Variants in CNTNAP2 observed in about 807,000 individuals in gnomAD.
CNTNAP2 encodes the protein contactin-associated protein-like 2.
A neutral mutation model predicts 155.2 loss-of-function variants in CNTNAP2; 98 were observed. That is an observed-to-expected ratio of 0.63 (90% CI 0.54 to 0.75). The LOEUF (loss-of-function observed/expected upper bound fraction) is 0.75, where lower values mean the gene tolerates loss of function less well. Among genes scored for constraint, CNTNAP2 ranks in the 30% least tolerant of loss-of-function variants. CNTNAP2 has a pLI of 0.00. For missense variants in CNTNAP2, 1,727 were observed against 1,688.1 expected (o/e 1.02, Z -0.40); for synonymous variants, 651 against 631.2 (o/e 1.03, Z -0.47).
intron 1 of CNTNAP2, among the ~76,000 whole-genome samples, chr7:146,663,843 T>C (rs1057515371): frequency 3.3e-5 from 5 of 151,902 alleles, no homozygotes; most frequent in Admixed American, 6.5e-5. Flanking sequence ...TATGCCCCAA[T>C]TTTTTATTTA....
rs550693549 is a variant in CNTNAP2, at chr7:148,063,526, C to A, written c.2384-54592C>A. 3.3e-5 allele frequency among the ~76,000 whole-genome samples: 5 copies of A among 150,918 alleles called. No homozygotes were observed. The South Asian group carries it at 8.4e-4, about 25-fold the overall frequency. Reference sequence around the variant, plus strand: ...TATCACTGTCTTCAAGTTATCTAATCTTTTCTTCTGTAGTGTCTAATCTGC... The same window carrying A: ...TATCACTGTCTTCAAGTTATCTAATATTTTCTTCTGTAGTGTCTAATCTGC... On this transcript the variant is annotated intron_variant, in intron 15 of 23. Coordinates refer to ENST00000361727, the MANE Select transcript of CNTNAP2 (RefSeq NM_014141.6).
intron 8 of CNTNAP2, among the ~76,000 whole-genome samples, chr7:147,205,269 G>A (rs1803000263): frequency 6.6e-6 from 1 of 151,944 alleles, no homozygotes; most frequent in South Asian, 2.1e-4. Flanking sequence ...TCTCCAGTGT[G>A]CATTATACCA....
At chr7:147,487,990 A>G (rs888594829) in intron 11 of CNTNAP2, among the ~76,000 whole-genome samples, 1 of 152,174 alleles carries the variant, frequency 6.6e-6, no homozygotes, top group Non-Finnish European at 1.5e-5. Context: ...TGAATATCCA[A>G]CGTGTGCATA....
intron 13 of CNTNAP2, among the ~76,000 whole-genome samples, chr7:147,894,589 T>A (rs74585344): frequency 0.011 from 1,668 of 152,316 alleles, 88 homozygotes; most frequent in Admixed American, 0.091. Context: ...ATTGTACATA[T>A]GATAAAACTA....
At chr7:147,929,372 A>G (rs1205767913) in intron 14 of CNTNAP2, among the ~76,000 whole-genome samples, 1 of 152,220 alleles carries the variant, frequency 6.6e-6, no homozygotes, top group African/African-American at 2.4e-5. Flanking sequence ...ATGCTTCAAC[A>G]AGAACACAGC....
chr7:146,256,402 C>G (rs1232770277), intron 1 of CNTNAP2, among the ~76,000 whole-genome samples: 1 of 151,876 alleles, frequency 6.6e-6, no homozygotes, highest in African/African-American at 2.4e-5. Context: ...CTGTGAAATT[C>G]CTAGAGAAAT....
chr7:148,102,507 G>A (rs888416537), intron 15 of CNTNAP2, among the ~76,000 whole-genome samples: 1 of 152,152 alleles, frequency 6.6e-6, no homozygotes. Context: ...GGATTGCTGG[G>A]TTGAATGCAA....
intron 11 of CNTNAP2, among the ~76,000 whole-genome samples, chr7:147,558,113 G>C (rs1799986321): frequency 6.6e-6 from 1 of 151,970 alleles, no homozygotes; most frequent in African/African-American, 2.4e-5. Flanking sequence ...AAGTGATGTA[G>C]GAAATTTAAA....
At chr7:147,046,904 C>T (rs575151442) in intron 4 of CNTNAP2, among the ~76,000 whole-genome samples, 76 of 150,502 alleles carry the variant, frequency 5.0e-4, no homozygotes, top group African/African-American at 1.7e-3. Flanking sequence ...TTGTGGCGGG[C>T]GCCTGTAGTC....
At chr7:147,057,452 C>T (rs1799583537) in intron 4 of CNTNAP2, among the ~76,000 whole-genome samples, 1 of 152,114 alleles carries the variant, frequency 6.6e-6, no homozygotes, top group African/African-American at 2.4e-5. Flanking sequence ...ATTAGATTTT[C>T]AACTTTCAGT....
chr7:148,393,448 A>C (rs546426580), intron 22 of CNTNAP2, among the ~76,000 whole-genome samples: 1 of 152,354 alleles, frequency 6.6e-6, no homozygotes, highest in East Asian at 1.9e-4. Flanking sequence ...CTGCAAAAAC[A>C]CCAAGCGCAT....
At chr7:147,902,081 G>T (rs1799878898) in intron 13 of CNTNAP2, among the ~76,000 whole-genome samples, 1 of 152,192 alleles carries the variant, frequency 6.6e-6, no homozygotes, top group South Asian at 2.1e-4. Context: ...CACGAGAATT[G>T]TATGGTGTAG....
intron 14 of CNTNAP2, among the ~76,000 whole-genome samples, chr7:147,922,478 G>A (rs1800300723): frequency 1.3e-5 from 2 of 152,158 alleles, no homozygotes; most frequent in South Asian, 2.1e-4. Flanking sequence ...AATACTGAGG[G>A]CTTTTCCAGG....
chr7:147,421,935 C>G (rs1797297332), intron 10 of CNTNAP2, among the ~76,000 whole-genome samples: 1 of 151,858 alleles, frequency 6.6e-6, no homozygotes, highest in African/African-American at 2.4e-5. Flanking sequence ...CTCCTTGAAA[C>G]CTCCCCAGAA....
At position 147,780,290 on chromosome 7, in the gene CNTNAP2, G is replaced by A. The variant is rs138728250; in HGVS notation, c.2099-123275G>A. On this transcript the variant is annotated intron_variant, in intron 13 of 23. Coordinates refer to ENST00000361727, the MANE Select transcript of CNTNAP2 (RefSeq NM_014141.6). ...CGGAAAACATTCACGAGGCATTCTA[G>A]TATAATTGCCAGTGGCTGCTTCACT... is the stretch of plus-strand genomic sequence containing the variant. Among the ~76,000 whole-genome samples, 1,180 of 152,258 alleles carry A rather than the reference G, an allele frequency of 7.7e-3. 10 individuals carry two copies. The highest frequency in any genetic ancestry group is 0.027 in the African/African-American group (1,133 of 41,540).
At chr7:147,101,430 T>A (rs1468491774) in intron 4 of CNTNAP2, among the ~76,000 whole-genome samples, 1 of 152,098 alleles carries the variant, frequency 6.6e-6, no homozygotes, top group Non-Finnish European at 1.5e-5. Context: ...TCCACGGCAG[T>A]GTCTAGGGGT....
At chr7:147,321,935 T>G (rs940286135) in intron 9 of CNTNAP2, among the ~76,000 whole-genome samples, 3 of 152,200 alleles carry the variant, frequency 2.0e-5, no homozygotes, top group Non-Finnish European at 4.4e-5. Flanking sequence ...AGACTGAAAT[T>G]AACAAGATGA....
intron 8 of CNTNAP2, among the ~76,000 whole-genome samples, chr7:147,155,585 A>T (rs903898): frequency 0.59 from 89,225 of 151,958 alleles, 26,286 homozygotes; most frequent in Middle Eastern, 0.7. Flanking sequence ...TTTAATGCCC[A>T]ATATAAATGG....
At chr7:148,143,402 G>T (rs1370045407) in intron 16 of CNTNAP2, among the ~76,000 whole-genome samples, 1 of 152,236 alleles carries the variant, frequency 6.6e-6, no homozygotes, top group African/African-American at 2.4e-5. Context: ...GAGTAGACCA[G>T]GTGTGGTGGC....
Sources: gnomAD v4.1 joint callset for allele counts (sites outside exome capture counted in the v4.1 genomes callset) on GRCh38, gnomAD v4.1.1 for gene constraint, MANE v1.5 for transcripts, NCBI Gene and HGNC (gene_info 2026-07-23, HGNC 2026-07-21) for gene names.